Variants in MAPK10 observed in about 807,000 individuals in gnomAD.
MAPK10 encodes JNK3 alpha protein kinase.
MAPK10 carries 25 observed loss-of-function variants against 59.3 expected under a neutral mutation model. The observed-to-expected ratio is 0.42, with a 90% CI of 0.31 to 0.59. The LOEUF is 0.59. Among genes scored for constraint, MAPK10 ranks in the 20% least tolerant of loss-of-function variants. The pLI, the probability that MAPK10 is intolerant of heterozygous loss-of-function variation, is 0.15. For missense variants in MAPK10, 351 were observed against 568.9 expected (o/e 0.62, Z 3.90); for synonymous variants, 190 against 200.5 (o/e 0.95, Z 0.44).
chr4:86,115,863 T>C (rs544143572), intron 4 of MAPK10, among the ~76,000 whole-genome samples: 1 of 152,354 alleles, frequency 6.6e-6, no homozygotes, highest in African/African-American at 2.4e-5. Flanking sequence ...CTTAAAAATC[T>C]TGTGCTGCTC....
intron 5 of MAPK10, among the ~76,000 whole-genome samples, chr4:86,105,705 AAAGAAC>A (rs1444119578): frequency 6.6e-6 from 1 of 152,120 alleles, no homozygotes; most frequent in Non-Finnish European, 1.5e-5. Flanking sequence ...TAACATACTG[AAAGAAC>A]AAATTAGTAT....
At chr4:86,182,154 G>A (rs963180137) in intron 3 of MAPK10, among the ~76,000 whole-genome samples, 9 of 151,720 alleles carry the variant, frequency 5.9e-5, no homozygotes, top group African/African-American at 2.2e-4. Flanking sequence ...AATTTCTCCC[G>A]AGACTATAAC....
At chr4:86,206,331 T>C (rs533957891) in intron 2 of MAPK10, among the ~76,000 whole-genome samples, 13 of 151,548 alleles carry the variant, frequency 8.6e-5, no homozygotes, top group Non-Finnish European at 1.9e-4. Context: ...TTACTGAGAA[T>C]GATGATTTCC....
chr4:86,212,900 A>G (rs2086252487), intron 2 of MAPK10, among the ~76,000 whole-genome samples: 1 of 152,288 alleles, frequency 6.6e-6, no homozygotes, highest in African/African-American at 2.4e-5. Flanking sequence ...ATAGACGTAT[A>G]CAGAACCGTC....
At chr4:86,382,041 G>A (rs939007058) in intron 1 of MAPK10, among the ~76,000 whole-genome samples, 1 of 152,022 alleles carries the variant, frequency 6.6e-6, no homozygotes, top group Non-Finnish European at 1.5e-5. Flanking sequence ...ATTGGGACAG[G>A]GCTATCCTGA....
At chr4:86,506,095 C>T in intron 1 of MAPK10, among the ~76,000 whole-genome samples, 1 of 152,092 alleles carries the variant, frequency 6.6e-6, no homozygotes, top group South Asian at 2.1e-4. Context: ...CTATTCTATA[C>T]AGCACAGAAA....
At chr4:86,500,487 T>C (rs1755225988) in intron 1 of MAPK10, among the ~76,000 whole-genome samples, 1 of 152,188 alleles carries the variant, frequency 6.6e-6, no homozygotes, top group Non-Finnish European at 1.5e-5. Context: ...CAAAGTGTTC[T>C]GAGTTTCCTG....
At chr4:86,518,085 C>A (rs753995665) in intron 1 of MAPK10, among the ~76,000 whole-genome samples, 5 of 152,126 alleles carry the variant, frequency 3.3e-5, no homozygotes, top group Non-Finnish European at 5.9e-5. Flanking sequence ...TACAGTGGTG[C>A]AGTCTTGGCT....
chr4:86,474,243 T>C (rs2149067334), intron 1 of MAPK10, among the ~76,000 whole-genome samples: 1 of 152,342 alleles, frequency 6.6e-6, no homozygotes, highest in South Asian at 2.1e-4. Flanking sequence ...TTACATTTGA[T>C]TATTTTTATG....
intron 4 of MAPK10, among the ~76,000 whole-genome samples, chr4:86,114,030 G>C (rs1164688404): frequency 6.6e-6 from 1 of 152,088 alleles, no homozygotes; most frequent in Non-Finnish European, 1.5e-5. Context: ...TGGTTAAATT[G>C]TGAAGCTCTT....
At chr4:86,070,294 G>A (rs922825191) in intron 9 of MAPK10, among the ~76,000 whole-genome samples, 1 of 151,202 alleles carries the variant, frequency 6.6e-6, no homozygotes, top group African/African-American at 2.4e-5. Flanking sequence ...GATGTTCATA[G>A]AATACAAACA....
At chr4:86,489,190 G>A (rs562799137) in intron 1 of MAPK10, among the ~76,000 whole-genome samples, 3 of 152,212 alleles carry the variant, frequency 2.0e-5, no homozygotes, top group Admixed American at 6.5e-5. Flanking sequence ...CAGCTAAGCC[G>A]GGACAACCAC....
intron 1 of MAPK10, among the ~76,000 whole-genome samples, chr4:86,405,861 G>C (rs1314969975): frequency 6.6e-6 from 1 of 152,226 alleles, no homozygotes; most frequent in Non-Finnish European, 1.5e-5. Context: ...GAAGGAAAGT[G>C]TTGGAATCCA....
intron 2 of MAPK10, chr4:86,335,240 T>C (rs543449570): frequency 2.6e-5 from 4 of 152,336 alleles, no homozygotes; most frequent in African/African-American, 9.6e-5. Flanking sequence ...TATTAACAAT[T>C]TGTTGTACAT....
chr4:86,202,324 C>T (rs1389147113), intron 2 of MAPK10, among the ~76,000 whole-genome samples: 1 of 151,808 alleles, frequency 6.6e-6, no homozygotes, highest in Non-Finnish European at 1.5e-5. Flanking sequence ...GCACTTTGTT[C>T]ATTACTTTTG....
intron 9 of MAPK10, chr4:86,089,525 C>A: frequency 2.7e-6 from 1 of 373,224 alleles, no homozygotes; most frequent in Non-Finnish European, 4.8e-6. Flanking sequence ...AATAATATTA[C>A]TTTGCAATTA....
At chr4:86,440,055 C>CA (rs1052342545) in intron 1 of MAPK10, among the ~76,000 whole-genome samples, 2 of 151,994 alleles carry the variant, frequency 1.3e-5, no homozygotes, top group African/African-American at 4.8e-5. Flanking sequence ...AATAGTTTTG[C>CA]AAAAATAAAT....
chr4:86,295,772 A>T (rs1332013498), intron 2 of MAPK10, among the ~76,000 whole-genome samples: 1 of 145,934 alleles, frequency 6.9e-6, no homozygotes, highest in East Asian at 2.0e-4. Context: ...TATATTTTAT[A>T]TATATATATA....
intron 4 of MAPK10, among the ~76,000 whole-genome samples, chr4:86,131,527 T>C (rs1212417577): frequency 6.6e-6 from 1 of 152,064 alleles, no homozygotes; most frequent in Admixed American, 6.6e-5. Context: ...GAATTATAAT[T>C]CTCCCCCAGT....
Sources: allele counts gnomAD v4.1 joint callset (sites outside exome capture counted in the v4.1 genomes callset), GRCh38; gene constraint gnomAD v4.1.1; transcripts MANE v1.5; gene names NCBI Gene and HGNC (gene_info 2026-07-23, HGNC 2026-07-21).